Variants in MAGI2 observed in about 807,000 individuals in gnomAD.
The protein encoded by MAGI2 is membrane associated guanylate kinase, WW and PDZ domain containing 2.
In MAGI2, 35 loss-of-function variants were observed where a neutral mutation model predicts 133.3. The ratio of observed to expected loss-of-function variants is 0.26; its 90% confidence interval spans 0.20 to 0.35. The LOEUF (loss-of-function observed/expected upper bound fraction) is 0.35, where lower values mean the gene tolerates loss of function less well. Among genes scored for constraint, MAGI2 ranks in the 10% least tolerant of loss-of-function variants. The probability of loss-of-function intolerance (pLI) is 1.00; values close to 1 mark genes in which losing one functional copy is unlikely to be tolerated. For synonymous variants in MAGI2, 729 were observed against 710.6 expected, an observed-to-expected ratio of 1.03 and a Z score of -0.41; for missense variants, 1,636 against 1,863.4, an observed-to-expected ratio of 0.88 and a Z score of 2.25.
rs1190105069 is a variant in MAGI2, at chr7:78,140,444, C to T, written c.2846-5238G>A. 2.0e-5 allele frequency among the ~76,000 whole-genome samples: 3 copies of T among 152,102 alleles called. No individual in the cohort carries two copies. In the South Asian group the frequency reaches 6.2e-4, roughly 31 times the overall value. On this transcript the variant is annotated intron_variant, in intron 16 of 21. Transcript: ENST00000354212. ...TAAAAAGGCAAAGTGGATTTTGCAT[C>T]GATCATGCCAAACTTACAAGAGGGA... is the stretch of plus-strand genomic sequence containing the variant.
chr7:78,795,302 G>A (rs37866), intron 2 of MAGI2, among the ~76,000 whole-genome samples: 145,937 of 151,928 alleles, frequency 0.96, 70,129 homozygotes, highest in East Asian at 1. Flanking sequence ...CAGATCTTAT[G>A]CAAAATTTTT....
chr7:78,685,615 C>T (rs558004973), intron 2 of MAGI2, among the ~76,000 whole-genome samples: 2 of 151,132 alleles, frequency 1.3e-5, no homozygotes, highest in African/African-American at 4.9e-5. Context: ...TCCTTTTGAA[C>T]TGAAAGTCAT....
At position 78,124,608 on chromosome 7, in the gene MAGI2, C is replaced by T. The variant is rs1183886494; in HGVS notation, c.3567+1086G>A. On this transcript the variant is annotated intron_variant, in intron 20 of 21. Coordinates refer to ENST00000354212, the MANE Select transcript of MAGI2 (RefSeq NM_012301.4). The stretch of plus-strand genomic sequence containing the variant: ...ACCTGAGGTTCCGGAACCCCAAAGC[C>T]ACAGCTTTTCTTTATTAACTTAAAG... 2.0e-5 allele frequency among the ~76,000 whole-genome samples: 3 copies of T among 152,212 alleles called. No homozygotes were observed. In the East Asian group the frequency reaches 5.8e-4, roughly 29 times the overall value.
At chr7:78,768,589 A>T (rs995709133) in intron 2 of MAGI2, among the ~76,000 whole-genome samples, 6 of 152,180 alleles carry the variant, frequency 3.9e-5, no homozygotes, top group Non-Finnish European at 8.8e-5. Flanking sequence ...TCAGTGGAGC[A>T]AATATTATTA....
At chr7:79,403,531 A>C (rs1845608417) in intron 1 of MAGI2, among the ~76,000 whole-genome samples, 1 of 152,146 alleles carries the variant, frequency 6.6e-6, no homozygotes, top group South Asian at 2.1e-4. Flanking sequence ...TAGGTGCAAA[A>C]AAATAACCAC....
chr7:79,048,305 G>A (rs1812360160), intron 1 of MAGI2, among the ~76,000 whole-genome samples: 1 of 152,022 alleles, frequency 6.6e-6, no homozygotes, highest in Admixed American at 6.6e-5. Context: ...ACCTAGGCAT[G>A]GAAACAATTC....
At chr7:78,865,420 T>C (rs1794481456) in intron 2 of MAGI2, among the ~76,000 whole-genome samples, 1 of 152,138 alleles carries the variant, frequency 6.6e-6, no homozygotes, top group Non-Finnish European at 1.5e-5. Flanking sequence ...TTGTGAAATG[T>C]TGATGGACAG....
intron 2 of MAGI2, among the ~76,000 whole-genome samples, chr7:78,756,730 A>G (rs1823982514): frequency 6.6e-6 from 1 of 152,126 alleles, no homozygotes; most frequent in Non-Finnish European, 1.5e-5. Context: ...GATCTTCAAT[A>G]TGCTGATCTC....
chr7:79,078,346 G>C (rs917058429), intron 1 of MAGI2, among the ~76,000 whole-genome samples: 23 of 151,878 alleles, frequency 1.5e-4, no homozygotes, highest in Non-Finnish European at 5.9e-5. Context: ...TAGTGAGTTA[G>C]GAAGAAAAAA....
chr7:79,316,231 T>C (rs1398258710), intron 1 of MAGI2, among the ~76,000 whole-genome samples: 2 of 152,020 alleles, frequency 1.3e-5, no homozygotes, highest in African/African-American at 2.4e-5. Flanking sequence ...TTCTCTTATT[T>C]CATCATCATT....
chr7:78,752,572 C>T (rs1338162165), intron 2 of MAGI2, among the ~76,000 whole-genome samples: 1 of 152,210 alleles, frequency 6.6e-6, no homozygotes, highest in African/African-American at 2.4e-5. Flanking sequence ...TGCTGCACTC[C>T]AGCCTGGGCA....
intron 2 of MAGI2, among the ~76,000 whole-genome samples, chr7:78,669,641 T>C (rs940218959): frequency 9.9e-5 from 15 of 152,090 alleles, no homozygotes; most frequent in Non-Finnish European, 1.2e-4. Context: ...TAGACCAATA[T>C]CCTTGATGAA....
chr7:78,074,001 T>C (rs1815004410), intron 21 of MAGI2, among the ~76,000 whole-genome samples: 1 of 152,190 alleles, frequency 6.6e-6, no homozygotes, highest in Admixed American at 6.5e-5. Context: ...TTGAAGTATC[T>C]ATCTCCTGAG....
intron 1 of MAGI2, among the ~76,000 whole-genome samples, chr7:79,235,525 G>A (rs1201361438): frequency 6.6e-6 from 1 of 152,220 alleles, no homozygotes; most frequent in Non-Finnish European, 1.5e-5. Flanking sequence ...GGTCTGAAAA[G>A]CGCAATATTT....
chr7:79,115,854 G>GTTTTTTTTTTTTTTTT (rs59398227), intron 1 of MAGI2, among the ~76,000 whole-genome samples: 2 of 93,944 alleles, frequency 2.1e-5, no homozygotes, highest in African/African-American at 8.7e-5. Context: ...ATGTTTTAAA[G>GTTTTTTTTTTTTTTTT]TTTTTTTTTT....
At chr7:78,538,544 C>T (rs112289821) in intron 3 of MAGI2, among the ~76,000 whole-genome samples, 1 of 152,116 alleles carries the variant, frequency 6.6e-6, no homozygotes, top group African/African-American at 2.4e-5. Flanking sequence ...TCTTTTACCT[C>T]CTTGGTTAGA....
rs565362523 is a variant in MAGI2, at chr7:79,255,708, G to C, written c.301+197312C>G. 1.6e-4 allele frequency among the ~76,000 whole-genome samples: 25 copies of C among 151,922 alleles called. 2 individuals carry two copies. Among genetic ancestry groups the C allele is most frequent in the Non-Finnish European group, 5.9e-5 (4 of 67,984 alleles). ...TAGAGTCTGGTAAGTCACTGCCTGGGGTGGTTTCATATAAAGAAGCTAGAC... is the reference window on the plus strand; with the variant it reads ...TAGAGTCTGGTAAGTCACTGCCTGGCGTGGTTTCATATAAAGAAGCTAGAC... On this transcript the variant is annotated intron_variant, in intron 1 of 21. Transcript: ENST00000354212.
chr7:79,324,470 G>T (rs1345694294), intron 1 of MAGI2, among the ~76,000 whole-genome samples: 1 of 44,258 alleles, frequency 2.3e-5, no homozygotes, highest in Non-Finnish European at 6.0e-5. Context: ...TAGATACGTT[G>T]TGTGTGTATA....
At chr7:78,189,239 T>A (rs1220421964) in intron 12 of MAGI2, among the ~76,000 whole-genome samples, 1 of 152,162 alleles carries the variant, frequency 6.6e-6, no homozygotes, top group African/African-American at 2.4e-5. Flanking sequence ...ACAACAGCCA[T>A]AGATGTGAAA....
Sources: allele counts gnomAD v4.1 joint callset (sites outside exome capture counted in the v4.1 genomes callset), GRCh38; gene constraint gnomAD v4.1.1; transcripts MANE v1.5; gene names NCBI Gene and HGNC (gene_info 2026-07-23, HGNC 2026-07-21).